PCDH9: variants seen among roughly 807,000 people sequenced by gnomAD.
The protein encoded by PCDH9 is protocadherin 9, also known as protocadherin-9.
PCDH9 carries 24 observed loss-of-function variants against 70.6 expected under a neutral mutation model. The ratio of observed to expected loss-of-function variants is 0.34; its 90% CI spans 0.25 to 0.48. PCDH9 has a LOEUF of 0.48. PCDH9 is among the 20% of genes least tolerant of loss of function. The pLI, the probability that PCDH9 is intolerant of heterozygous loss-of-function variation, is 0.99. For synonymous variants in PCDH9, 562 were observed against 558.5 expected, an observed-to-expected ratio of 1.01 and a Z score of -0.09; for missense variants, 1,281 against 1,503.6, an observed-to-expected ratio of 0.85 and a Z score of 2.45.
chr13:66,712,135 G>A (rs1345981239), intron 3 of PCDH9, among the ~76,000 whole-genome samples: 6 of 152,136 alleles, frequency 3.9e-5, no homozygotes, highest in Non-Finnish European at 7.4e-5. Flanking sequence ...TAATTTGCCT[G>A]TTGAACTTCT....
At chr13:66,564,863 G>GA (rs1203831765) in intron 4 of PCDH9, among the ~76,000 whole-genome samples, 58 of 118,766 alleles carry the variant, frequency 4.9e-4, no homozygotes, top group African/African-American at 1.8e-3. Flanking sequence ...ACATAATGTA[G>GA]GGTTTTTTTT....
At chr13:66,823,114 G>A (rs1265527167) in intron 3 of PCDH9, among the ~76,000 whole-genome samples, 1 of 151,878 alleles carries the variant, frequency 6.6e-6, no homozygotes, top group East Asian at 1.9e-4. Context: ...AAATAGAAAT[G>A]TAGTCTATCT....
intron 2 of PCDH9, among the ~76,000 whole-genome samples, chr13:67,175,663 A>G (rs1020013664): frequency 2.6e-5 from 4 of 152,106 alleles, no homozygotes; most frequent in African/African-American, 9.7e-5. Flanking sequence ...TCATAAATAC[A>G]TTTTCCCTTA....
At chr13:66,428,218 A>T (rs915499946) in intron 4 of PCDH9, among the ~76,000 whole-genome samples, 2 of 151,778 alleles carry the variant, frequency 1.3e-5, no homozygotes, top group Non-Finnish European at 3.0e-5. Context: ...TTAGTTCTAC[A>T]TAACCAAATG....
intron 3 of PCDH9, among the ~76,000 whole-genome samples, chr13:66,652,045 T>C (rs2077860179): frequency 6.6e-6 from 1 of 152,048 alleles, no homozygotes; most frequent in South Asian, 2.1e-4. Context: ...GACCCAGAGC[T>C]AGTGTCATAC....
intron 3 of PCDH9, among the ~76,000 whole-genome samples, chr13:66,707,679 C>T (rs2078729420): frequency 6.6e-6 from 1 of 152,134 alleles, no homozygotes; most frequent in Admixed American, 6.5e-5. Context: ...GAAACATGCT[C>T]CTCTCTCTAC....
intron 3 of PCDH9, among the ~76,000 whole-genome samples, chr13:66,830,465 A>G (rs2080906027): frequency 6.6e-6 from 1 of 152,204 alleles, no homozygotes; most frequent in African/African-American, 2.4e-5. Context: ...ATTAAATATA[A>G]TGGAAACTAA....
intron 4 of PCDH9, among the ~76,000 whole-genome samples, chr13:66,311,366 CTGTG>C (rs71803849): frequency 0.19 from 25,832 of 132,610 alleles, 2,279 homozygotes; most frequent in East Asian, 0.21. Context: ...CTCTCTCTCT[CTGTG>C]TGTGTGTGTG....
intron 2 of PCDH9, among the ~76,000 whole-genome samples, chr13:67,156,385 C>T (rs2087813620): frequency 6.6e-6 from 1 of 151,982 alleles, no homozygotes; most frequent in Admixed American, 6.6e-5. Context: ...TGAAAGAAGG[C>T]ACAAGCATCT....
chr13:66,598,116 C>A (rs777041202), intron 4 of PCDH9, among the ~76,000 whole-genome samples: 98 of 151,760 alleles, frequency 6.5e-4, no homozygotes, highest in Non-Finnish European at 8.3e-4. Flanking sequence ...GAAATTAGAA[C>A]CTTTTTACAC....
intron 4 of PCDH9, among the ~76,000 whole-genome samples, chr13:66,530,982 G>A (rs1338021745): frequency 1.3e-5 from 2 of 151,582 alleles, no homozygotes; most frequent in Non-Finnish European, 2.9e-5. Flanking sequence ...GTTTTGTTTT[G>A]TTTTTTAAAT....
At chr13:66,899,479 G>T (rs2082241726) in intron 3 of PCDH9, among the ~76,000 whole-genome samples, 1 of 151,890 alleles carries the variant, frequency 6.6e-6, no homozygotes, top group Non-Finnish European at 1.5e-5. Flanking sequence ...TTCATACACT[G>T]AACACTAAAC....
At chr13:66,772,535 A>C (rs1248828571) in intron 3 of PCDH9, among the ~76,000 whole-genome samples, 1 of 152,152 alleles carries the variant, frequency 6.6e-6, no homozygotes, top group African/African-American at 2.4e-5. Flanking sequence ...GTCTCTGATA[A>C]AATTAACTTA....
intron 2 of PCDH9, among the ~76,000 whole-genome samples, chr13:67,038,689 T>G (rs374103823): frequency 8.5e-5 from 13 of 152,180 alleles, no homozygotes; most frequent in African/African-American, 3.1e-4. Flanking sequence ...GATATTATGC[T>G]AGAATAAGTA....
rs1367551365 is a variant in PCDH9, at chr13:67,227,476, T to C, written c.965A>G (p.Glu322Gly). 4.3e-6 allele frequency: 7 copies of C among 1,613,908 alleles called. No individual in the cohort carries two copies. The highest frequency in any genetic ancestry group is 5.1e-6 in the Non-Finnish European group (6 of 1,179,866). Residue 322 changes from glutamate to glycine, a missense_variant, in exon 2 of 5, where the codon GAG (glutamate) becomes GGG (glycine). This residue lies in a region of PCDH9 where 798 missense variants were observed against 1,003.1 expected (regional missense o/e 0.80). Transcript: ENST00000377865. This position sits in a 1 kb window ranked among gnomAD's most constrained non-coding sequence, Gnocchi z 4.6. ...ITVQRSLDREETAIHKVTVLA... is the reference protein window; with the variant it reads ...ITVQRSLDREGTAIHKVTVLA... Reference sequence around the variant, plus strand: ...CACTGTCACTTTGTGAATGGCTGTCTCCTCTCTATCTAAGGACCTCTGAAC... The same window carrying C: ...CACTGTCACTTTGTGAATGGCTGTCCCCTCTCTATCTAAGGACCTCTGAAC...
chr13:67,028,457 T>C (rs1160575991), intron 2 of PCDH9, among the ~76,000 whole-genome samples: 2 of 148,206 alleles, frequency 1.3e-5, no homozygotes, highest in Admixed American at 6.7e-5. Context: ...TTAGGAGATA[T>C]ACTTAGTGCT....
At chr13:66,908,044 G>T (rs1235916076) in intron 2 of PCDH9, among the ~76,000 whole-genome samples, 1 of 152,126 alleles carries the variant, frequency 6.6e-6, no homozygotes. Flanking sequence ...TAATTCCAAA[G>T]AAATTTATGT....
chr13:66,738,696 C>G (rs1296723017), intron 3 of PCDH9, among the ~76,000 whole-genome samples: 1 of 149,214 alleles, frequency 6.7e-6, no homozygotes, highest in Non-Finnish European at 1.5e-5. Context: ...GTGAAGAATG[C>G]AGAAGCCTCA....
chr13:66,477,190 A>G (rs900188185), intron 4 of PCDH9, among the ~76,000 whole-genome samples: 1 of 152,146 alleles, frequency 6.6e-6, no homozygotes, highest in Non-Finnish European at 1.5e-5. Flanking sequence ...GTTTTGTTAA[A>G]AGCATGTATT....
Sources: allele counts gnomAD v4.1 joint callset (sites outside exome capture counted in the v4.1 genomes callset), GRCh38; gene constraint gnomAD v4.1.1; regional missense constraint gnomAD v4.1.1; non-coding constraint Gnocchi (gnomAD v3.1); transcripts MANE v1.5; gene names NCBI Gene and HGNC (gene_info 2026-07-23, HGNC 2026-07-21).